GABRA4: variants seen among roughly 807,000 people sequenced by gnomAD.
GABRA4 encodes gamma-aminobutyric acid type A receptor subunit alpha4.
A neutral mutation model predicts 49.7 loss-of-function variants in GABRA4; 12 were observed. The observed-to-expected ratio is 0.24, with a 90% CI of 0.15 to 0.39. GABRA4 has a LOEUF of 0.39. Ranked by LOEUF, GABRA4 falls within the 10% of genes least tolerant of loss-of-function variation. The pLI is 1.00. For missense variants in GABRA4, 506 were observed against 686.0 expected (o/e 0.74, Z 2.93); for synonymous variants, 288 against 240.2 (o/e 1.20, Z -1.84).
At chr4:46,981,462 C>T (rs1723351744) in intron 2 of GABRA4, among the ~76,000 whole-genome samples, 2 of 152,058 alleles carry the variant, frequency 1.3e-5, no homozygotes, top group African/African-American at 2.4e-5. Context: ...ATTCATTATT[C>T]AGTATTTGCC....
chr4:46,991,920 C>A (rs768252957), intron 2 of GABRA4, among the ~76,000 whole-genome samples: 11 of 152,290 alleles, frequency 7.2e-5, no homozygotes, highest in Non-Finnish European at 1.3e-4. Context: ...CTGTTCAACT[C>A]AGTTGCTGAA....
At position 46,954,235 on chromosome 4, in the gene GABRA4, C is replaced by A. The variant is rs141783167; in HGVS notation, c.1134+10735G>T. 3.7e-3 allele frequency among the ~76,000 whole-genome samples: 558 copies of A among 152,100 alleles called. 3 individuals are homozygous for A. The highest frequency in any genetic ancestry group is 0.012 in the African/African-American group (513 of 41,516). On this transcript the variant is annotated intron_variant, in intron 8 of 8. Transcript: ENST00000264318. ...AGAGCCATCCTTCCTCTAATCAGCTCTTCATACATCATTTGTACTAAAGTA... is the reference window on the plus strand; with the variant it reads ...AGAGCCATCCTTCCTCTAATCAGCTATTCATACATCATTTGTACTAAAGTA...
intron 8 of GABRA4, among the ~76,000 whole-genome samples, chr4:46,943,755 G>A (rs1721892998): frequency 6.6e-6 from 1 of 152,062 alleles, no homozygotes; most frequent in Admixed American, 6.6e-5. Context: ...GCCTTTCTCT[G>A]CCTGAGGGAC....
chr4:46,979,323 C>A (rs567228721), intron 2 of GABRA4, among the ~76,000 whole-genome samples: 1 of 152,162 alleles, frequency 6.6e-6, no homozygotes, highest in African/African-American at 2.4e-5. Flanking sequence ...CAATTACTTA[C>A]CAGGAACCTT....
At chr4:46,977,344 GGAA>G (rs113768313) in intron 4 of GABRA4, 63 bp downstream of exon 4, 3 of 910,178 alleles carry the variant, frequency 3.3e-6, no homozygotes, top group African/African-American at 3.6e-5. Context: ...AAGGAAGGAA[GGAA>G]GAAAGGAAAG....
At chr4:46,989,404 A>G (rs1257607664) in intron 2 of GABRA4, among the ~76,000 whole-genome samples, 3 of 152,150 alleles carry the variant, frequency 2.0e-5, no homozygotes, top group African/African-American at 4.8e-5. Flanking sequence ...CAACTGATTT[A>G]TTAGAGGTTG....
intron 2 of GABRA4, among the ~76,000 whole-genome samples, chr4:46,982,154 T>C (rs1723377837): frequency 6.6e-6 from 1 of 152,102 alleles, no homozygotes; most frequent in African/African-American, 2.4e-5. Flanking sequence ...GGAAAATAAG[T>C]TGTAGATATA....
At chr4:46,990,786 T>C (rs1020368893) in intron 2 of GABRA4, among the ~76,000 whole-genome samples, 10 of 152,332 alleles carry the variant, frequency 6.6e-5, no homozygotes, top group Admixed American at 6.5e-4. Context: ...CTTTTCAGAT[T>C]TGCATGAAGG....
At chr4:46,936,847 G>A (rs1053990946) in intron 8 of GABRA4, among the ~76,000 whole-genome samples, 1 of 152,108 alleles carries the variant, frequency 6.6e-6, no homozygotes, top group Non-Finnish European at 1.5e-5. Context: ...GTCAATTATA[G>A]TAGTCAAAAG....
chr4:46,965,825 T>G (rs1157961511), intron 7 of GABRA4, among the ~76,000 whole-genome samples: 1 of 151,810 alleles, frequency 6.6e-6, no homozygotes, highest in Non-Finnish European at 1.5e-5. Flanking sequence ...AATACTAAAT[T>G]TACTAGTTGT....
chr4:46,928,000 C>T lies in GABRA4; in HGVS notation c.*225G>A, dbSNP rs1226836272. On this transcript the variant is annotated 3_prime_UTR_variant, in exon 9 of 9. Coordinates refer to ENST00000264318, the MANE Select transcript of GABRA4 (RefSeq NM_000809.4). ...CTTTCCAGGATGGTGTGTATTCTAT[C>T]TAACTGAATGCTGAGTTCTTTTAAA... The T allele has an allele frequency of 2.3e-6, 1 of 425,986 alleles. No individual in the cohort carries two copies. The highest frequency in any genetic ancestry group is 4.2e-6 in the Non-Finnish European group (1 of 239,348). The allele number at this position is 425,986 out of a possible 1,614,324, so 26.4% of individuals were successfully genotyped here.
intron 2 of GABRA4, among the ~76,000 whole-genome samples, chr4:46,988,194 A>G (rs1723609885): frequency 6.6e-6 from 1 of 151,512 alleles, no homozygotes; most frequent in African/African-American, 2.4e-5. Context: ...TCCCTCACCC[A>G]TTTTTTTTCC....
chr4:46,951,060 G>T (rs1448602679), intron 8 of GABRA4, among the ~76,000 whole-genome samples: 1 of 151,870 alleles, frequency 6.6e-6, no homozygotes, highest in African/African-American at 2.4e-5. Context: ...TAAAACTAAG[G>T]CTCAGAGGAA....
chr4:46,967,889 A>G (rs781276713), intron 7 of GABRA4, among the ~76,000 whole-genome samples: 31 of 151,634 alleles, frequency 2.0e-4, no homozygotes, highest in Admixed American at 1.1e-3. Flanking sequence ...TGAAATAGCA[A>G]TGATTAAGAT....
At chr4:46,981,487 G>A (rs1560482844) in intron 2 of GABRA4, among the ~76,000 whole-genome samples, 1 of 151,992 alleles carries the variant, frequency 6.6e-6, no homozygotes, top group Non-Finnish European at 1.5e-5. Flanking sequence ...ATGGTCCTAT[G>A]GATCTTTGAG....
intron 1 of GABRA4, among the ~76,000 whole-genome samples, 196 bp downstream of exon 1, chr4:46,993,143 A>T (rs1412515199): frequency 6.6e-6 from 1 of 152,166 alleles, no homozygotes; most frequent in East Asian, 1.9e-4. Flanking sequence ...CAGTGCCCAC[A>T]CGCCTCTTGG....
At chr4:46,941,713 G>A (rs1721803715) in intron 8 of GABRA4, among the ~76,000 whole-genome samples, 1 of 152,074 alleles carries the variant, frequency 6.6e-6, no homozygotes, top group Non-Finnish European at 1.5e-5. Context: ...TTTGTGCCAT[G>A]TTCAAAATTC....
At chr4:46,967,349 T>C (rs1722799652) in intron 7 of GABRA4, among the ~76,000 whole-genome samples, 1 of 151,492 alleles carries the variant, frequency 6.6e-6, no homozygotes, top group African/African-American at 2.4e-5. Context: ...CTATGTTACT[T>C]TGAACTTTTT....
At chr4:46,975,863 C>A (rs1172884396) in intron 5 of GABRA4, among the ~76,000 whole-genome samples, 1 of 151,942 alleles carries the variant, frequency 6.6e-6, no homozygotes, top group African/African-American at 2.4e-5. Context: ...TATCTTCTCT[C>A]ATTAAATTAT....
Sources: allele counts gnomAD v4.1 joint callset (sites outside exome capture counted in the v4.1 genomes callset), GRCh38; gene constraint gnomAD v4.1.1; transcripts MANE v1.5; gene names NCBI Gene and HGNC (gene_info 2026-07-23, HGNC 2026-07-21).